FERRY3: variants seen among roughly 807,000 people sequenced by gnomAD.
The protein encoded by FERRY3 is protein C12orf4.
At chr12:4,534,209 C>T in the FERRY3 span, 4 of 1,612,728 alleles carry the variant, frequency 2.5e-6, no homozygotes, top group Admixed American at 1.7e-5. Context: ...ATCTACTTCA[C>T]CTGATTTCAC....
chr12:4,493,357 T>C, the FERRY3 span, among the ~76,000 whole-genome samples: 149 of 152,344 alleles, frequency 9.8e-4, no homozygotes, highest in Middle Eastern at 0.021. Flanking sequence ...TACTGAGCAA[T>C]ACACATGCTC....
At chr12:4,488,854 T>C in the FERRY3 span, 8 of 152,138 alleles carry the variant, frequency 5.3e-5, no homozygotes, top group Non-Finnish European at 1.2e-4. The surrounding 1 kb of genome is among the most constrained non-coding windows in gnomAD (Gnocchi z 4.9). Flanking sequence ...AGCATTTAAA[T>C]ATGTTATAGA....
At chr12:4,505,401 T>TATGAAAGAACATA in the FERRY3 span, 1 of 1,503,218 alleles carries the variant, frequency 6.7e-7, no homozygotes, top group Non-Finnish European at 9.2e-7. Context: ...GACAATGCAA[T>TATGAAAGAACATA]ATGAAAGAAC....
At chr12:4,524,114 G>A in the FERRY3 span, among the ~76,000 whole-genome samples, 14 of 151,894 alleles carry the variant, frequency 9.2e-5, no homozygotes, top group Admixed American at 9.2e-4. Context: ...AACTTTCACA[G>A]CAAAGGGCTT....
chr12:4,518,759 AATT>A, the FERRY3 span: 2 of 1,428,006 alleles, frequency 1.4e-6, no homozygotes, highest in Non-Finnish European at 1.9e-6. Flanking sequence ...ACTGCAAAAA[AATT>A]AACACACTTA....
At chr12:4,534,517 C>A in the FERRY3 span, among the ~76,000 whole-genome samples, 1 of 152,142 alleles carries the variant, frequency 6.6e-6, no homozygotes, top group Non-Finnish European at 1.5e-5. Flanking sequence ...GATCCTCCCA[C>A]CTCAGCCTCC....
chr12:4,511,332 G>A, the FERRY3 span, among the ~76,000 whole-genome samples: 19 of 150,778 alleles, frequency 1.3e-4, no homozygotes, highest in South Asian at 4.2e-4. Context: ...ACAGATCAAC[G>A]AGACAGAAAG....
At chr12:4,516,189 G>A in the FERRY3 span, among the ~76,000 whole-genome samples, 1 of 151,916 alleles carries the variant, frequency 6.6e-6, no homozygotes, top group Non-Finnish European at 1.5e-5. Context: ...TAATAATTAC[G>A]TCCACTTTAA....
chr12:4,501,064 C>T, the FERRY3 span, among the ~76,000 whole-genome samples: 2 of 152,162 alleles, frequency 1.3e-5, no homozygotes, highest in Non-Finnish European at 2.9e-5. Context: ...GCCCAGGACA[C>T]AAAGATAGGT....
chr12:4,528,403 A>T, the FERRY3 span, among the ~76,000 whole-genome samples: 19 of 152,160 alleles, frequency 1.2e-4, no homozygotes, highest in African/African-American at 4.6e-4. Flanking sequence ...CTACATAATA[A>T]AGAACTAGAA....
At chr12:4,534,135 A>G in the FERRY3 span, 2 of 1,534,014 alleles carry the variant, frequency 1.3e-6, no homozygotes, top group Non-Finnish European at 1.8e-6. Flanking sequence ...CTTGAAATTT[A>G]CAATCTGACC....
the FERRY3 span, among the ~76,000 whole-genome samples, chr12:4,520,492 G>A: frequency 6.6e-6 from 1 of 152,240 alleles, no homozygotes; most frequent in Non-Finnish European, 1.5e-5. Context: ...TGCGAAGGCT[G>A]CTGAAAGCAA....
chr12:4,519,783 C>G, the FERRY3 span, among the ~76,000 whole-genome samples: 1 of 152,156 alleles, frequency 6.6e-6, no homozygotes, highest in East Asian at 1.9e-4. This position sits in a 1 kb window ranked among gnomAD's most constrained non-coding sequence, Gnocchi z 4.3. Flanking sequence ...CTCATAGGAG[C>G]GTGAACTGTA....
the FERRY3 span, among the ~76,000 whole-genome samples, chr12:4,535,740 C>T: frequency 5.3e-3 from 802 of 152,288 alleles, 5 homozygotes; most frequent in Non-Finnish European, 7.8e-3. This position sits in a 1 kb window ranked among gnomAD's most constrained non-coding sequence, Gnocchi z 4.0. Context: ...TATAACTTCA[C>T]CCAACTAAAT....
At chr12:4,512,367 G>T in the FERRY3 span, among the ~76,000 whole-genome samples, 2 of 152,142 alleles carry the variant, frequency 1.3e-5, no homozygotes, top group Non-Finnish European at 2.9e-5. Context: ...AGGAAAAGAG[G>T]GAATCCTCCC....
At chr12:4,514,155 T>A in the FERRY3 span, among the ~76,000 whole-genome samples, 1 of 151,794 alleles carries the variant, frequency 6.6e-6, no homozygotes, top group East Asian at 1.9e-4. Context: ...TGCTCATCAT[T>A]ACTGGCCATC....
chr12:4,513,446 A>G, the FERRY3 span, among the ~76,000 whole-genome samples: 1 of 150,710 alleles, frequency 6.6e-6, no homozygotes, highest in African/African-American at 2.4e-5. Context: ...GTCAATCCTA[A>G]GCCAAAAGAA....
chr12:4,494,481 C>G, the FERRY3 span, among the ~76,000 whole-genome samples: 1 of 152,170 alleles, frequency 6.6e-6, no homozygotes, highest in Admixed American at 6.5e-5. Context: ...TTGTTTAGGT[C>G]TGATCCATTT....
chr12:4,500,098 A>G, the FERRY3 span: 2 of 1,522,616 alleles, frequency 1.3e-6, no homozygotes, highest in African/African-American at 1.4e-5. Flanking sequence ...TATTATGATT[A>G]TGTAAATCAT....
Sources: allele counts gnomAD v4.1 joint callset (sites outside exome capture counted in the v4.1 genomes callset), GRCh38; gene constraint gnomAD v4.1.1; non-coding constraint Gnocchi (gnomAD v3.1); transcripts MANE v1.5; gene names NCBI Gene and HGNC (gene_info 2026-07-23, HGNC 2026-07-21).